Variants in ADAM22 observed in about 807,000 individuals in gnomAD.
ADAM22 encodes disintegrin and metalloproteinase domain-containing protein 22.
A neutral mutation model predicts 144.6 loss-of-function variants in ADAM22; 65 were observed. That is an observed-to-expected ratio of 0.45 (90% CI 0.37 to 0.55). ADAM22 has a LOEUF of 0.55. ADAM22 is among the 20% of genes least tolerant of loss of function. The pLI is 0.00. For missense variants in ADAM22, 974 were observed against 1,184.9 expected (o/e 0.82, Z 2.61); for synonymous variants, 391 against 412.6 (o/e 0.95, Z 0.63).
At chr7:88,118,657 A>ATC (rs34930765) in intron 7 of ADAM22, among the ~76,000 whole-genome samples, 22,138 of 148,482 alleles carry the variant, frequency 0.15, 2,583 homozygotes, top group African/African-American at 0.32. Flanking sequence ...CTATCTATCT[A>ATC]TATATATATA....
chr7:88,123,657 G>A (rs1242395655), intron 7 of ADAM22, among the ~76,000 whole-genome samples: 1 of 151,298 alleles, frequency 6.6e-6, no homozygotes, highest in Non-Finnish European at 1.5e-5. Context: ...TGTTTAGTTT[G>A]CTCTTATTTT....
chr7:88,127,957 G>A (rs1352554913), intron 8 of ADAM22, among the ~76,000 whole-genome samples: 1 of 151,984 alleles, frequency 6.6e-6, no homozygotes, highest in Non-Finnish European at 1.5e-5. Flanking sequence ...TTGGTGAGCA[G>A]AGAAAGCTAG....
At chr7:88,112,709 T>A (rs1826369823) in intron 5 of ADAM22, among the ~76,000 whole-genome samples, 2 of 152,100 alleles carry the variant, frequency 1.3e-5, no homozygotes, top group Admixed American at 1.3e-4. Flanking sequence ...CAAAATGGAA[T>A]TTTTTATTTT....
chr7:88,079,477 A>T (rs1815802807), intron 4 of ADAM22, among the ~76,000 whole-genome samples: 2 of 152,218 alleles, frequency 1.3e-5, no homozygotes, highest in African/African-American at 4.8e-5. Flanking sequence ...TAATGACAGG[A>T]TCAAAATCAC....
chr7:88,114,773 G>A, intron 6 of ADAM22, 126 bp downstream of exon 6: 1 of 781,218 alleles, frequency 1.3e-6, no homozygotes, highest in Non-Finnish European at 2.0e-6. Flanking sequence ...GTAAACATAT[G>A]TACAGATGCT....
At position 87,978,412 on chromosome 7, in the gene ADAM22, A is replaced by C; in HGVS notation, c.323A>C (p.His108Pro). 2 of 1,613,438 alleles carry C rather than the reference A, an allele frequency of 1.2e-6. No homozygotes were observed. Among genetic ancestry groups the C allele is most frequent in the Non-Finnish European group, 1.7e-6 (2 of 1,179,662 alleles). ...TTCATTCTCGATGTCGTGCTAAATC[A>C]GTAAGTGTTGAGTTGCACTTGCTTT... Reference protein sequence around the residue: ...TSFILDVVLNHDLLSSEYIER... With the variant: ...TSFILDVVLNPDLLSSEYIER... Residue 108 changes from histidine to proline, a missense_variant and splice_region_variant, in exon 3 of 32, where the codon CAT becomes CCT. His to Pro is a moderately conservative substitution (Grantham distance 77, BLOSUM62 -2). Around this residue, in one of 2 missense-constraint regions of ADAM22, gnomAD observed 240 missense variants for 234.3 expected, o/e 1.02. Transcript: ENST00000413139.
chr7:88,103,212 G>T (rs968278927), intron 4 of ADAM22, among the ~76,000 whole-genome samples: 1 of 152,080 alleles, frequency 6.6e-6, no homozygotes, highest in Non-Finnish European at 1.5e-5. Flanking sequence ...TTGATAGAGG[G>T]CATGTGACTA....
intron 3 of ADAM22, among the ~76,000 whole-genome samples, chr7:88,034,765 T>C (rs1801107509): frequency 6.6e-6 from 1 of 152,176 alleles, no homozygotes; most frequent in Non-Finnish European, 1.5e-5. Flanking sequence ...GCTCCTTCTG[T>C]GGGCATCAGC....
chr7:87,955,749 G>A (rs909723236), intron 2 of ADAM22, among the ~76,000 whole-genome samples: 2 of 152,298 alleles, frequency 1.3e-5, no homozygotes, highest in Middle Eastern at 3.4e-3. Context: ...ACAGAGGCAG[G>A]CAGGCCTCCT....
chr7:88,001,684 C>G (rs1447042025), intron 3 of ADAM22, among the ~76,000 whole-genome samples: 1 of 151,720 alleles, frequency 6.6e-6, no homozygotes, highest in African/African-American at 2.4e-5. Flanking sequence ...TGATTGTGGC[C>G]CACTGTGTGC....
chr7:88,132,702 C>G, intron 11 of ADAM22, 165 bp from the exon 12 acceptor site: 1 of 508,738 alleles, frequency 2.0e-6, no homozygotes, highest in Non-Finnish European at 3.5e-6. Context: ...AAACCTTTTT[C>G]TTTGGTTACA....
chr7:88,022,288 A>G (rs1205126390), intron 3 of ADAM22, among the ~76,000 whole-genome samples: 2 of 152,212 alleles, frequency 1.3e-5, no homozygotes, highest in East Asian at 3.8e-4. Context: ...AGAGTTCAGT[A>G]GGCCAGACAG....
Position 87,934,418 on chromosome 7 carries a change from G to A in ADAM22, c.-48G>A, listed in dbSNP as rs745851028. 24 of 1,541,802 alleles carry A rather than the reference G, an allele frequency of 1.6e-5. No individual in the cohort carries two copies. The highest frequency in any genetic ancestry group is 1.8e-5 in the Non-Finnish European group (21 of 1,146,932). ...CGAGGGAAACGGACTCGGCGGCGCC[G>A]GCATGAGGAGCTGAGCGTCTCGGGC... On this transcript the variant is annotated 5_prime_UTR_variant, in exon 1 of 32. Transcript: ENST00000413139.
intron 15 of ADAM22, among the ~76,000 whole-genome samples, chr7:88,144,474 A>G (rs1352459423): frequency 6.6e-6 from 1 of 152,166 alleles, no homozygotes; most frequent in African/African-American, 2.4e-5. Context: ...CTGCAAAACT[A>G]TCTTAATAGG....
chr7:88,170,618 C>A (rs555505159), intron 25 of ADAM22, among the ~76,000 whole-genome samples: 32 of 151,824 alleles, frequency 2.1e-4, no homozygotes, highest in African/African-American at 6.8e-4. Context: ...GCACCTTTGC[C>A]GTCATGTGCC....
At chr7:88,151,888 T>A (rs575559006) in intron 20 of ADAM22, among the ~76,000 whole-genome samples, 47 of 152,214 alleles carry the variant, frequency 3.1e-4, no homozygotes, top group Admixed American at 7.2e-4. Flanking sequence ...AAATATATGA[T>A]ATTTAGATTT....
chr7:88,114,742 A>G lies in ADAM22; in HGVS notation c.537+95A>G, dbSNP rs181849057. The G allele has an allele frequency of 1.3e-4, 161 of 1,218,846 alleles. No homozygotes were observed. The African/African-American group carries it at 2.1e-3, about 16-fold the overall frequency. The allele number at this position is 1,218,846 out of a possible 1,614,324, so 75.5% of individuals were successfully genotyped here. A position where few individuals can be genotyped will look rare whatever the true frequency, so the allele number is the denominator to read the frequency against. ...TTTATCTCTACTTTATTTCATTTTT[A>G]TATTTTTTAGGGTTAAGATAGTAAA... On this transcript the variant is annotated intron_variant, in intron 6 of 31. Coordinates refer to ENST00000413139, the MANE Select transcript of ADAM22 (RefSeq NM_001324418.2).
chr7:87,962,524 T>C (rs1584643210), intron 2 of ADAM22, among the ~76,000 whole-genome samples: 1 of 152,316 alleles, frequency 6.6e-6, no homozygotes, highest in East Asian at 1.9e-4. Context: ...GATTCCTGAA[T>C]ACAACACGAA....
At chr7:87,937,129 A>T (rs544401301) in intron 2 of ADAM22, among the ~76,000 whole-genome samples, 4 of 152,084 alleles carry the variant, frequency 2.6e-5, no homozygotes, top group African/African-American at 9.6e-5. Context: ...CTAATTAAAA[A>T]TTTGTTTTTG....
Sources: gnomAD v4.1 joint callset for allele counts (sites outside exome capture counted in the v4.1 genomes callset) on GRCh38, gnomAD v4.1.1 for gene constraint, gnomAD v4.1.1 regional missense constraint, MANE v1.5 for transcripts, NCBI Gene and HGNC (gene_info 2026-07-23, HGNC 2026-07-21) for gene names.